The following PTPN3 variants were observed in gnomAD, a reference collection of about 807,000 sequenced individuals.
PTPN3 encodes protein tyrosine phosphatase non-receptor type 3.
In PTPN3, 96 loss-of-function variants were observed where a neutral mutation model predicts 132.7. The ratio of observed to expected loss-of-function variants is 0.72; its 90% confidence interval spans 0.61 to 0.86. The LOEUF (loss-of-function observed/expected upper bound fraction) is 0.86, where lower values mean the gene tolerates loss of function less well. PTPN3 is among the 40% of genes least tolerant of loss of function. The pLI, the probability that PTPN3 is intolerant of heterozygous loss-of-function variation, is 0.00. For synonymous variants in PTPN3, 398 were observed against 429.0 expected (o/e 0.93, Z 0.89); for missense variants, 1,125 against 1,159.6 (o/e 0.97, Z 0.43).
chr9:109,468,353 GTTTT>G (rs375973137), intron 1 of PTPN3, among the ~76,000 whole-genome samples: 21 of 148,700 alleles, frequency 1.4e-4, no homozygotes, highest in African/African-American at 4.7e-4. Flanking sequence ...TGTGGATACA[GTTTT>G]TTTTTTTGTT....
chr9:109,389,568 A>C (rs1301043160), intron 21 of PTPN3, among the ~76,000 whole-genome samples, 189 bp from the exon 22 acceptor site: 1 of 152,266 alleles, frequency 6.6e-6, no homozygotes, highest in Non-Finnish European at 1.5e-5. Context: ...GACAACCACC[A>C]GTATTAGATC....
At chr9:109,456,098 G>T (rs1022957535) in intron 4 of PTPN3, among the ~76,000 whole-genome samples, 1 of 152,202 alleles carries the variant, frequency 6.6e-6, no homozygotes, top group African/African-American at 2.4e-5. Context: ...GCAGTGAGAC[G>T]GGAGCGAAGG....
intron 23 of PTPN3, chr9:109,383,169 T>C (rs1455011404): frequency 1.8e-6 from 1 of 547,852 alleles, no homozygotes; most frequent in Non-Finnish European, 3.3e-6. Context: ...TCATATTCCA[T>C]TGTATGGACA....
chr9:109,533,712 G>C, the PTPN3 span: 3 of 1,473,920 alleles, frequency 2.0e-6, no homozygotes, highest in Admixed American at 2.0e-5. Flanking sequence ...TTGGAATACT[G>C]TGGTCCACGC....
intron 7 of PTPN3, among the ~76,000 whole-genome samples, chr9:109,439,350 C>CA (rs1006649092): frequency 4.0e-5 from 6 of 148,816 alleles, no homozygotes; most frequent in African/African-American, 7.6e-5. Flanking sequence ...ACAAACAAAA[C>CA]AAAAAAAAGC....
intron 7 of PTPN3, 42 bp from the exon 8 acceptor site, chr9:109,438,276 C>CT (rs764190795): frequency 2.8e-5 from 44 of 1,584,784 alleles, no homozygotes; most frequent in South Asian, 2.4e-4. Flanking sequence ...TTAGTTTTGC[C>CT]TTTTTAATAT....
At chr9:109,393,673 T>C (rs1025367754) in intron 19 of PTPN3, among the ~76,000 whole-genome samples, 4 of 152,144 alleles carry the variant, frequency 2.6e-5, no homozygotes, top group African/African-American at 9.7e-5. Flanking sequence ...TGAGTTTCGA[T>C]ACATATAACC....
chr9:109,379,431 G>C lies in PTPN3; in HGVS notation c.*125C>G. The C allele has an allele frequency of 1.3e-6, 1 of 771,930 alleles. No homozygotes were observed. The highest frequency in any genetic ancestry group is 2.2e-6 in the Non-Finnish European group (1 of 460,938). 47.8% of individuals were successfully genotyped at this position (771,930 alleles called of 1,614,324 possible). On this transcript the variant is annotated 3_prime_UTR_variant, in exon 26 of 26. Coordinates refer to ENST00000374541, the MANE Select transcript of PTPN3 (RefSeq NM_002829.4). ...TTTTCTATAGAAGTTTAAAGTGCCT[G>C]GGTTCAGAGGTGCCCATTCCTTTCC...
At chr9:109,513,792 G>A in the PTPN3 span, among the ~76,000 whole-genome samples, 8 of 152,150 alleles carry the variant, frequency 5.3e-5, no homozygotes, top group Non-Finnish European at 7.4e-5. Context: ...GCAACAAGCT[G>A]CTTACTTGAT....
At chr9:109,523,029 C>T in the PTPN3 span, among the ~76,000 whole-genome samples, 1 of 151,726 alleles carries the variant, frequency 6.6e-6, no homozygotes, top group Non-Finnish European at 1.5e-5. Context: ...AATAGCAATA[C>T]CTATTTTATA....
chr9:109,522,311 G>C, the PTPN3 span, among the ~76,000 whole-genome samples: 1 of 152,208 alleles, frequency 6.6e-6, no homozygotes, highest in Admixed American at 6.5e-5. Flanking sequence ...AAGGCCAAAA[G>C]TGTGGGCCCC....
rs1355285057 is a variant in PTPN3 at position 109,377,839 on chromosome 9, C to G, written c.*1717G>C. 1.3e-5 allele frequency: 2 copies of G among 152,160 alleles called. No individual in the cohort carries two copies. Among genetic ancestry groups the G allele is most frequent in the Admixed American group, 6.5e-5 (1 of 15,282 alleles). 9.4% of individuals were successfully genotyped at this position (152,160 alleles called of 1,614,324 possible). On this transcript the variant is annotated 3_prime_UTR_variant, in exon 26 of 26. Coordinates refer to ENST00000374541, the MANE Select transcript of PTPN3 (RefSeq NM_002829.4). Reference sequence around the variant, plus strand: ...AAGAGAGGTAGAGCTTCTAAGCAACCAGGCCCGCAAGTAGTTAGTGCTGAG... The same window carrying G: ...AAGAGAGGTAGAGCTTCTAAGCAACGAGGCCCGCAAGTAGTTAGTGCTGAG...
intron 4 of PTPN3, 84 bp from the exon 5 acceptor site, chr9:109,454,658 A>AT (rs1321857790): frequency 3.9e-6 from 4 of 1,014,724 alleles, no homozygotes; most frequent in Admixed American, 3.8e-5. Flanking sequence ...TAAGTGATGC[A>AT]TTTTTTCACT....
chr9:109,398,518 G>A (rs1840780484), intron 19 of PTPN3, among the ~76,000 whole-genome samples: 1 of 152,212 alleles, frequency 6.6e-6, no homozygotes, highest in Non-Finnish European at 1.5e-5. Context: ...TCTGGTTTTG[G>A]TGAAGATGGT....
At chr9:109,433,943 A>AG (rs1423091523) in intron 9 of PTPN3, among the ~76,000 whole-genome samples, 1 of 147,032 alleles carries the variant, frequency 6.8e-6, no homozygotes, top group Non-Finnish European at 1.5e-5. Context: ...AAAAAAAAAA[A>AG]GCGTTGCTTC....
At chr9:109,391,064 C>T in intron 21 of PTPN3, 74 bp downstream of exon 21, 1 of 1,373,298 alleles carries the variant, frequency 7.3e-7, no homozygotes, top group African/African-American at 1.4e-5. Flanking sequence ...AACTGCAAAG[C>T]CCCACACAGG....
intron 19 of PTPN3, among the ~76,000 whole-genome samples, chr9:109,398,714 A>G (rs1226898251): frequency 6.6e-6 from 1 of 152,222 alleles, no homozygotes; most frequent in Non-Finnish European, 1.5e-5. Flanking sequence ...TCACTGGATG[A>G]AAATGGACAC....
chr9:109,441,648 C>A (rs533898424), intron 7 of PTPN3, among the ~76,000 whole-genome samples: 2 of 152,244 alleles, frequency 1.3e-5, no homozygotes, highest in East Asian at 1.9e-4. Flanking sequence ...AACATATATT[C>A]CAAAAAATAT....
At chr9:109,500,177 C>A (rs1248493798), upstream of PTPN3, among the ~76,000 whole-genome samples, 1 of 152,236 alleles carries the variant, frequency 6.6e-6, no homozygotes, top group Non-Finnish European at 1.5e-5. Flanking sequence ...GTTTAGACCA[C>A]CTTAAAGATC....
Sources: gnomAD v4.1 joint callset for allele counts (sites outside exome capture counted in the v4.1 genomes callset) on GRCh38, gnomAD v4.1.1 for gene constraint, MANE v1.5 for transcripts, NCBI Gene and HGNC (gene_info 2026-07-23, HGNC 2026-07-21) for gene names.